The following MIDEAS variants were observed in gnomAD, a reference collection of about 807,000 sequenced individuals.
MIDEAS encodes the protein mitotic deacetylase-associated SANT domain protein.
In MIDEAS, 26 loss-of-function variants were observed where a neutral mutation model predicts 102.7. The ratio of observed to expected loss-of-function variants is 0.25; its 90% CI spans 0.19 to 0.35. The LOEUF (loss-of-function observed/expected upper bound fraction) is 0.35, where lower values mean the gene tolerates loss of function less well. MIDEAS is among the 10% of genes least tolerant of loss of function. The pLI, the probability that MIDEAS is intolerant of heterozygous loss-of-function variation, is 1.00. For synonymous variants in MIDEAS, 585 were observed against 591.0 expected, an observed-to-expected ratio of 0.99 and a Z score of 0.15; for missense variants, 1,231 against 1,435.6, an observed-to-expected ratio of 0.86 and a Z score of 2.30.
chr14:73,771,368 C>A (rs544729538), intron 1 of MIDEAS, among the ~76,000 whole-genome samples: 1 of 152,186 alleles, frequency 6.6e-6, no homozygotes, highest in Non-Finnish European at 1.5e-5. Context: ...ACTCAAGGTA[C>A]GCCGGGGGCT....
intron 1 of MIDEAS, among the ~76,000 whole-genome samples, chr14:73,784,597 C>G (rs146900295): frequency 2.6e-5 from 4 of 152,158 alleles, no homozygotes; most frequent in Admixed American, 2.6e-4. Context: ...CAGAAGGGAA[C>G]GATCCCTTCT....
intron 1 of MIDEAS, among the ~76,000 whole-genome samples, chr14:73,746,344 T>C (rs763257255): frequency 6.6e-6 from 1 of 152,190 alleles, no homozygotes; most frequent in Non-Finnish European, 1.5e-5. Flanking sequence ...AGCTTTTGCC[T>C]GCACTGAAGG....
intron 3 of MIDEAS, among the ~76,000 whole-genome samples, chr14:73,733,085 C>T (rs548508974): frequency 2.7e-4 from 41 of 151,756 alleles, no homozygotes; most frequent in African/African-American, 9.4e-4. Context: ...AGGGCGAAAC[C>T]CCGTCTCAAA....
At chr14:73,783,065 T>C (rs2053770675) in intron 1 of MIDEAS, among the ~76,000 whole-genome samples, 1 of 152,162 alleles carries the variant, frequency 6.6e-6, no homozygotes, top group South Asian at 2.1e-4. Flanking sequence ...GATACAAAGA[T>C]ATATAAAACA....
intron 1 of MIDEAS, among the ~76,000 whole-genome samples, chr14:73,771,137 G>A (rs985329235): frequency 1.3e-5 from 2 of 152,100 alleles, no homozygotes; most frequent in African/African-American, 4.8e-5. Flanking sequence ...ATCCAGGCGT[G>A]CCCTGAGCCC....
intron 1 of MIDEAS, among the ~76,000 whole-genome samples, chr14:73,785,092 G>T (rs979932889): frequency 1.3e-5 from 2 of 152,232 alleles, no homozygotes; most frequent in Non-Finnish European, 2.9e-5. Context: ...CCAGCATAAG[G>T]TGGTACCACC....
chr14:73,758,034 CT>C lies in MIDEAS; in HGVS notation c.-248+1728del, dbSNP rs1269810974. ...AGAGCAAGCTGGCAAGCTGTATGAC[CT>C]GGGGGCATCCTCCAGGTTCTTCACC... On this transcript the variant is annotated intron_variant, in intron 1 of 12. Coordinates refer to ENST00000423556, the MANE Select transcript of MIDEAS (RefSeq NM_001367710.1). Among the ~76,000 whole-genome samples the C allele has an allele frequency of 2.6e-5, 4 of 152,210 alleles. No homozygotes were observed. In the East Asian group the frequency reaches 7.7e-4, roughly 29 times the overall value.
At position 73,739,683 on chromosome 14, in the gene MIDEAS, T is replaced by G. The variant is rs1410047802; in HGVS notation, c.326A>C (p.Glu109Ala). The change falls in exon 2 of 13, where the codon GAG (glutamate) becomes GCG (alanine). Residue 109 changes from glutamate (E) to alanine (A), a missense_variant. This residue lies in a region of MIDEAS where 758 missense variants were observed against 856.0 expected (regional missense o/e 0.89). Transcript: ENST00000423556. ...ACTGACACCCCCACCTCCTCCACGC[T>G]CCGGGCCCCGCCCTGGAGCCATCAC... Reference protein sequence around the residue: ...NSVMAPGRGPERGGGGGVSDS... With the variant: ...NSVMAPGRGPARGGGGGVSDS... The G allele has an allele frequency of 6.2e-7, 1 of 1,613,756 alleles. No individual in the cohort carries two copies.
intron 4 of MIDEAS, chr14:73,728,326 C>G (rs1039450295): frequency 6.6e-6 from 1 of 152,012 alleles, no homozygotes; most frequent in African/African-American, 2.4e-5. Context: ...AACCTGCAAC[C>G]CTCCCCTCAG....
intron 4 of MIDEAS, among the ~76,000 whole-genome samples, 183 bp downstream of exon 4, chr14:73,729,457 C>CG (rs1368914785): frequency 6.6e-6 from 1 of 152,180 alleles, no homozygotes; most frequent in Non-Finnish European, 1.5e-5. Context: ...AGCAGCTGGG[C>CG]GGGCCCCCCA....
intron 3 of MIDEAS, among the ~76,000 whole-genome samples, chr14:73,730,977 G>GAA (rs140866113): frequency 2.0e-5 from 3 of 150,842 alleles, no homozygotes; most frequent in Non-Finnish European, 4.4e-5. Flanking sequence ...AAAGGAAAAA[G>GAA]AAAAAAAAAT....
intron 11 of MIDEAS, among the ~76,000 whole-genome samples, chr14:73,720,454 G>C: frequency 6.6e-6 from 1 of 151,964 alleles, no homozygotes; most frequent in Non-Finnish European, 1.5e-5. Context: ...CACCTTGTTG[G>C]CCAGGCTGGT....
At chr14:73,788,090 A>T (rs1463510459), upstream of MIDEAS, among the ~76,000 whole-genome samples, 1 of 151,988 alleles carries the variant, frequency 6.6e-6, no homozygotes, top group Non-Finnish European at 1.5e-5. Context: ...GTTAAACAGC[A>T]GTCTTCAAGG....
At chr14:73,770,102 T>C (rs1276473240) in intron 1 of MIDEAS, among the ~76,000 whole-genome samples, 2 of 152,064 alleles carry the variant, frequency 1.3e-5, no homozygotes, top group East Asian at 3.9e-4. Flanking sequence ...ATTCAGATTA[T>C]GGTACGGTAA....
Position 73,726,837 on chromosome 14 carries a change from C to T in MIDEAS, c.2298G>A (p.Gln766=). The T allele has an allele frequency of 6.8e-6, 11 of 1,609,698 alleles. No individual in the cohort carries two copies. Among genetic ancestry groups the T allele is most frequent in the Non-Finnish European group, 9.3e-6 (11 of 1,176,682 alleles). Residue 766 remains glutamine, a synonymous_variant, in exon 6 of 13, where the codon CAG becomes CAA. Coordinates refer to ENST00000423556, the MANE Select transcript of MIDEAS (RefSeq NM_001367710.1). ...CCCCAGGCCCCTCCTCACCTTGCCT[C>T]TGCTTCTCCCGGCTGCTCTCTAGGT... The part of the protein sequence containing the change: ...WEDLESSREK[Q]RQVEDLLTAA...
In MIDEAS at chr14:73,729,773, G is replaced by A; in HGVS notation, c.1962C>T (p.Tyr654=). Reference sequence around the variant, plus strand: ...CAGGGCTGAGGATGGGGGGCGGCGTGTAGGGAGGTAGCTCAAAGCTCCGCT... The same window carrying A: ...CAGGGCTGAGGATGGGGGGCGGCGTATAGGGAGGTAGCTCAAAGCTCCGCT... ...PSERSFELPP[Y]TPPPILSPVR... The change falls in exon 4 of 13, where the codon TAC becomes TAT. Residue 654 remains tyrosine, a synonymous_variant. Coordinates refer to ENST00000423556, the MANE Select transcript of MIDEAS (RefSeq NM_001367710.1). The A allele has an allele frequency of 6.2e-7, 1 of 1,614,068 alleles. No homozygotes were observed. The highest frequency in any genetic ancestry group is 8.5e-7 in the Non-Finnish European group (1 of 1,180,048).
At chr14:73,722,487 C>T (rs1197543085) in intron 10 of MIDEAS, 1 of 422,966 alleles carries the variant, frequency 2.4e-6, no homozygotes, top group Non-Finnish European at 4.2e-6. Flanking sequence ...GAAAATTACC[C>T]TGTGTATCAA....
intron 1 of MIDEAS, among the ~76,000 whole-genome samples, chr14:73,750,307 A>T (rs1338907346): frequency 6.8e-6 from 1 of 146,612 alleles, no homozygotes; most frequent in Non-Finnish European, 1.5e-5. Context: ...AAAAATCTGA[A>T]ATCTACACCG....
intron 1 of MIDEAS, among the ~76,000 whole-genome samples, chr14:73,772,225 C>A (rs1344692961): frequency 6.6e-6 from 1 of 152,192 alleles, no homozygotes; most frequent in Admixed American, 6.5e-5. Flanking sequence ...AGTCCCTCCC[C>A]CTGGCCTCCT....
Sources: allele counts gnomAD v4.1 joint callset (sites outside exome capture counted in the v4.1 genomes callset), GRCh38; gene constraint gnomAD v4.1.1; regional missense constraint gnomAD v4.1.1; transcripts MANE v1.5; gene names NCBI Gene and HGNC (gene_info 2026-07-23, HGNC 2026-07-21).